ADGRL3: variants seen among roughly 807,000 people sequenced by gnomAD.
ADGRL3 encodes the protein calcium-independent alpha-latrotoxin receptor 3.
Under a neutral mutation model 153.5 loss-of-function variants are expected in ADGRL3, and 62 were observed. The observed-to-expected ratio is 0.40, with a 90% CI of 0.33 to 0.50. The LOEUF (loss-of-function observed/expected upper bound fraction) is 0.50. Ranked by LOEUF, ADGRL3 falls within the 20% of genes least tolerant of loss-of-function variation. ADGRL3 has a pLI of 0.47. For missense variants in ADGRL3, 1,641 were observed against 1,859.4 expected, an observed-to-expected ratio of 0.88 and a Z score of 2.16; for synonymous variants, 710 against 672.5, an observed-to-expected ratio of 1.06 and a Z score of -0.86.
intron 1 of ADGRL3, among the ~76,000 whole-genome samples, chr4:61,243,737 GT>G (rs894725240): frequency 6.6e-6 from 1 of 151,940 alleles, no homozygotes; most frequent in Non-Finnish European, 1.5e-5. Flanking sequence ...AGGAAGTCAT[GT>G]TTGTACTAGT....
chr4:61,435,523 G>C lies in ADGRL3; in HGVS notation c.-174+52334G>C, dbSNP rs117257123. Among the ~76,000 whole-genome samples the C allele has an allele frequency of 1.5e-4, 23 of 152,186 alleles. No individual in the cohort carries two copies. In the East Asian group the frequency reaches 4.2e-3, roughly 28 times the overall value. On this transcript the variant is annotated intron_variant, in intron 2 of 26. Transcript: ENST00000683033. ...CCATTACCGGTGTGAAAATGGAAAG[G>C]TTGGTTCAGGTTTCTGTATATAGAC...
rs34273823 is a variant in ADGRL3 at position 61,653,170 on chromosome 4, T to TCACACACACA, written c.474-23627_474-23618dup. On this transcript the variant is annotated intron_variant, in intron 5 of 26. Transcript: ENST00000683033. The stretch of plus-strand genomic sequence containing the variant: ...CTCTCTGTCTCTCTCTCTCTCTCTC[T>TCACACACACA]CACACACACACACACACACACACAC... Among the ~76,000 whole-genome samples the TCACACACACA allele has an allele frequency of 8.8e-5, 8 of 91,084 alleles. No homozygotes were observed. The South Asian group carries it at 1.0e-3, about 11-fold the overall frequency. The allele number at this position is 91,084 out of a possible 152,430, so 59.8% of individuals were successfully genotyped here.
intron 6 of ADGRL3, among the ~76,000 whole-genome samples, chr4:61,712,184 C>T (rs1230418975): frequency 1.3e-5 from 2 of 151,812 alleles, no homozygotes; most frequent in Admixed American, 6.6e-5. Context: ...ACTTGAGCCC[C>T]GGAATTCGAG....
chr4:61,468,215 G>A (rs999655911), intron 2 of ADGRL3, among the ~76,000 whole-genome samples: 8 of 152,118 alleles, frequency 5.3e-5, no homozygotes, highest in Admixed American at 3.3e-4. Flanking sequence ...GCTTCTACCC[G>A]TATAGCTGCC....
At chr4:61,754,273 T>C (rs2096793138) in intron 8 of ADGRL3, among the ~76,000 whole-genome samples, 1 of 152,212 alleles carries the variant, frequency 6.6e-6, no homozygotes, top group African/African-American at 2.4e-5. Context: ...TTGAACTTAT[T>C]CATATATTTA....
intron 6 of ADGRL3, among the ~76,000 whole-genome samples, chr4:61,704,230 A>C (rs2095818046): frequency 6.6e-6 from 1 of 152,178 alleles, no homozygotes; most frequent in Non-Finnish European, 1.5e-5. Context: ...GTAAGTAAAT[A>C]TTTCCATATG....
intron 4 of ADGRL3, among the ~76,000 whole-genome samples, chr4:61,566,329 G>A (rs2149057385): frequency 6.6e-6 from 1 of 152,168 alleles, no homozygotes; most frequent in South Asian, 2.1e-4. Flanking sequence ...TTGGATTAGG[G>A]CCCACCCTAA....
At chr4:61,483,672 G>C (rs1448566248) in intron 2 of ADGRL3, among the ~76,000 whole-genome samples, 1 of 151,934 alleles carries the variant, frequency 6.6e-6, no homozygotes, top group South Asian at 2.1e-4. Flanking sequence ...GGGAAGGGGA[G>C]GTTGCTATGA....
At chr4:61,211,600 A>G (rs1740039178) in intron 1 of ADGRL3, 1 of 152,234 alleles carries the variant, frequency 6.6e-6, no homozygotes. Flanking sequence ...TAGGAAAATC[A>G]TTGAAAATGG....
At chr4:61,410,935 A>G (rs2097079634) in intron 2 of ADGRL3, among the ~76,000 whole-genome samples, 1 of 152,214 alleles carries the variant, frequency 6.6e-6, no homozygotes, top group Non-Finnish European at 1.5e-5. Context: ...TGGAGGTTGC[A>G]GGATGTCAGA....
rs1034856758 is a variant in ADGRL3 at position 61,200,327 on chromosome 4, T to G, written c.-1678T>G. Among the ~76,000 whole-genome samples the G allele has an allele frequency of 6.6e-6, 1 of 151,466 alleles. No homozygotes were observed. Among genetic ancestry groups the G allele is most frequent in the Non-Finnish European group, 1.5e-5 (1 of 67,848 alleles). On this transcript the variant is annotated 5_prime_UTR_variant, in exon 1 of 27. Transcript: ENST00000683033. Reference sequence around the variant, plus strand: ...CGCTGGCCCGCCCGACCGCTGCTCATTCTGGCCTCCGCTCCGGCCCCGGCT... The same window carrying G: ...CGCTGGCCCGCCCGACCGCTGCTCAGTCTGGCCTCCGCTCCGGCCCCGGCT...
chr4:61,418,614 A>C (rs2097170178), intron 2 of ADGRL3, among the ~76,000 whole-genome samples: 1 of 150,798 alleles, frequency 6.6e-6, no homozygotes. Flanking sequence ...TAAATTCCAC[A>C]AAGGAAAACA....
At chr4:62,055,236 T>A (rs1736392214) in intron 25 of ADGRL3, among the ~76,000 whole-genome samples, 1 of 151,848 alleles carries the variant, frequency 6.6e-6, no homozygotes, top group South Asian at 2.1e-4. Context: ...CGGATTTGTA[T>A]GTTAAAACAG....
intron 25 of ADGRL3, among the ~76,000 whole-genome samples, chr4:62,062,755 A>G (rs1577728752): frequency 1.3e-5 from 2 of 152,238 alleles, no homozygotes; most frequent in Admixed American, 1.3e-4. Flanking sequence ...CCAAACAACC[A>G]GTTGGAAAAT....
In ADGRL3 at chr4:61,210,072, A is replaced by G. The variant is rs142296347; in HGVS notation, c.-240+8307A>G. ...AATGAGTTGAAATTTTAGAATTGAC[A>G]TATGTATTTCAGTTACAGTGCCAAT... On this transcript the variant is annotated intron_variant, in intron 1 of 26. Coordinates refer to ENST00000683033, the MANE Select transcript of ADGRL3 (RefSeq NM_001387552.1). Among the ~76,000 whole-genome samples, 612 of 152,314 alleles carry G rather than the reference A, an allele frequency of 4.0e-3. 5 individuals carry two copies. The highest frequency in any genetic ancestry group is 0.014 in the African/African-American group (594 of 41,578).
At chr4:61,888,942 C>T (rs941778169) in intron 9 of ADGRL3, among the ~76,000 whole-genome samples, 3 of 152,106 alleles carry the variant, frequency 2.0e-5, no homozygotes, top group African/African-American at 7.2e-5. Context: ...ATGTAAAATG[C>T]ATTTAAGAAA....
chr4:61,314,580 G>A (rs2095138465), intron 1 of ADGRL3, among the ~76,000 whole-genome samples: 1 of 152,176 alleles, frequency 6.6e-6, no homozygotes, highest in Admixed American at 6.6e-5. Context: ...CTCATGGGAG[G>A]TAAAGTCTTC....
intron 6 of ADGRL3, among the ~76,000 whole-genome samples, chr4:61,727,026 C>T (rs1261250128): frequency 6.6e-6 from 1 of 152,102 alleles, no homozygotes; most frequent in Non-Finnish European, 1.5e-5. Context: ...TTTTAAAAAA[C>T]TTGGCAGTAC....
Position 62,070,956 on chromosome 4 carries a change from A to G in ADGRL3, c.*48A>G, listed in dbSNP as rs1013784181. On this transcript the variant is annotated 3_prime_UTR_variant, in exon 27 of 27. Transcript: ENST00000683033. ...CAACAAAACTGCTAACACCTTGTTGACTGTTCTGAGTTGATATAAGCAGTG... is the reference window on the plus strand; with the variant it reads ...CAACAAAACTGCTAACACCTTGTTGGCTGTTCTGAGTTGATATAAGCAGTG... 6.9e-7 allele frequency: 1 copy of G among 1,442,634 alleles called. No homozygotes were observed. The highest frequency in any genetic ancestry group is 1.4e-5 in the African/African-American group (1 of 70,206). 89.4% of individuals were successfully genotyped at this position (1,442,634 alleles called of 1,614,324 possible).
Sources: gnomAD v4.1 joint callset for allele counts (sites outside exome capture counted in the v4.1 genomes callset) on GRCh38, gnomAD v4.1.1 for gene constraint, MANE v1.5 for transcripts, NCBI Gene and HGNC (gene_info 2026-07-23, HGNC 2026-07-21) for gene names.